C16orf74: variants seen among roughly 807,000 people sequenced by gnomAD.
C16orf74 encodes the protein uncharacterized protein C16orf74.
C16orf74 carries 10 observed loss-of-function variants against 6.5 expected under a neutral mutation model. That is an observed-to-expected ratio of 1.54 (90% confidence interval 0.95 to 2.61). The LOEUF is 2.61. Ranked by LOEUF, C16orf74 falls within the 30% of genes most tolerant of loss-of-function variation. The probability of loss-of-function intolerance (pLI) is 0.00; values close to 1 mark genes in which losing one functional copy is unlikely to be tolerated. For missense variants in C16orf74, 141 were observed against 105.9 expected (o/e 1.33, Z -1.45); for synonymous variants, 60 against 42.5 (o/e 1.41, Z -1.60).
rs187548293 is a variant in C16orf74 at position 85,719,974 on chromosome 16, C to G, written c.29-9667G>C. Among the ~76,000 whole-genome samples the G allele has an allele frequency of 2.0e-4, 30 of 152,226 alleles. No individual in the cohort carries two copies. The East Asian group carries it at 2.3e-3, about 12-fold the overall frequency. ...GGTGACACTAATCCCTCAGAGATGA[C>G]CGGGTGTCTGGATTTAGTGCAGGTC... On this transcript the variant is annotated intron_variant, in intron 2 of 3. Transcript: ENST00000284245.
Position 85,707,935 on chromosome 16 carries a change from G to T in C16orf74, c.*73C>A. On this transcript the variant is annotated 3_prime_UTR_variant, in exon 4 of 4. Transcript: ENST00000284245. ...AGGGTATTCAGCACACCTGCTCCAG[G>T]CAGCCACGCCCCCGGACACCTGAAG... The T allele has an allele frequency of 1.5e-6, 2 of 1,343,030 alleles. No homozygotes were observed. Among genetic ancestry groups the T allele is most frequent in the Non-Finnish European group, 2.1e-6 (2 of 964,296 alleles). The allele number at this position is 1,343,030 out of a possible 1,614,324, so 83.2% of individuals were successfully genotyped here.
intron 1 of C16orf74, 28 bp from the exon 2 acceptor site, chr16:85,735,263 G>C (rs12920631): frequency 1.5e-5 from 23 of 1,534,474 alleles, no homozygotes; most frequent in Admixed American, 2.0e-5. Context: ...CGCTGAGAGA[G>C]GGGAGGGCGC....
intron 2 of C16orf74, among the ~76,000 whole-genome samples, chr16:85,732,280 C>A (rs1396234480): frequency 6.6e-6 from 1 of 152,206 alleles, no homozygotes; most frequent in Non-Finnish European, 1.5e-5. Context: ...CTCTTTTAAG[C>A]CACCTAGTTT....
In C16orf74 at chr16:85,707,842, G is replaced by C. The variant is rs1427935941; in HGVS notation, c.*166C>G. On this transcript the variant is annotated 3_prime_UTR_variant, in exon 4 of 4. Transcript: ENST00000284245. ...GGAAACACTGTTCTGGAAGTGGACA[G>C]GCTGGATTCCTCGCTGGTCCTGCCA... 3.2e-6 allele frequency: 2 copies of C among 623,210 alleles called. No individual in the cohort carries two copies. The highest frequency in any genetic ancestry group is 3.7e-5 in the African/African-American group (2 of 54,128). 38.6% of individuals were successfully genotyped at this position (623,210 alleles called of 1,614,324 possible). A position where few individuals can be genotyped will look rare whatever the true frequency, so the allele number is the denominator to read the frequency against.
chr16:85,708,978 G>T (rs978389895), intron 3 of C16orf74, among the ~76,000 whole-genome samples: 1 of 152,270 alleles, frequency 6.6e-6, no homozygotes, highest in Non-Finnish European at 1.5e-5. Flanking sequence ...GTGAAGTGCA[G>T]ATCACACAGC....
intron 1 of C16orf74, among the ~76,000 whole-genome samples, chr16:85,740,808 G>A (rs1378915086): frequency 1.8e-5 from 2 of 113,598 alleles, no homozygotes; most frequent in Non-Finnish European, 3.3e-5. Flanking sequence ...CTCCAGCCTG[G>A]GCAAGAGAGT....
At chr16:85,709,024 C>T (rs540985291) in intron 3 of C16orf74, among the ~76,000 whole-genome samples, 3 of 152,244 alleles carry the variant, frequency 2.0e-5, no homozygotes, top group East Asian at 3.9e-4. Flanking sequence ...GTGACTAGCA[C>T]ATGGCAAGTG....
At chr16:85,738,207 T>C (rs1251176203) in intron 1 of C16orf74, among the ~76,000 whole-genome samples, 1 of 151,998 alleles carries the variant, frequency 6.6e-6, no homozygotes, top group Non-Finnish European at 1.5e-5. Flanking sequence ...ATCGTGCCAC[T>C]TCACGCCAGC....
chr16:85,735,151 T>G, intron 2 of C16orf74, 39 bp downstream of exon 2: 1 of 1,584,870 alleles, frequency 6.3e-7, no homozygotes, highest in Non-Finnish European at 8.6e-7. Context: ...GCACCCCCTC[T>G]GCCATGAGAG....
At chr16:85,717,906 C>T (rs1489252140) in intron 2 of C16orf74, among the ~76,000 whole-genome samples, 1 of 152,144 alleles carries the variant, frequency 6.6e-6, no homozygotes, top group Non-Finnish European at 1.5e-5. Context: ...AGCCCGTGCC[C>T]GAGACGCTAC....
rs1226557408 is a variant in C16orf74 at position 85,740,530 on chromosome 16, G to A, written c.-18-5295C>T. Among the ~76,000 whole-genome samples, 13 of 151,948 alleles carry A rather than the reference G, an allele frequency of 8.6e-5. No individual in the cohort carries two copies. The South Asian group carries it at 2.5e-3, about 29-fold the overall frequency. On this transcript the variant is annotated intron_variant, in intron 1 of 3. Coordinates refer to ENST00000284245, the MANE Select transcript of C16orf74 (RefSeq NM_206967.3). Reference sequence around the variant, plus strand: ...ATCCTGGCTATCACGGTGAAACCCCGTCTCTACTAAAAATATAAAAAATTA... The same window carrying A: ...ATCCTGGCTATCACGGTGAAACCCCATCTCTACTAAAAATATAAAAAATTA...
chr16:85,745,983 G>A (rs1432677730), intron 1 of C16orf74, among the ~76,000 whole-genome samples: 1 of 152,172 alleles, frequency 6.6e-6, no homozygotes, highest in Non-Finnish European at 1.5e-5. Context: ...AGATGGCCAG[G>A]TAAAATACAG....
chr16:85,737,093 G>C (rs951351624), intron 1 of C16orf74, among the ~76,000 whole-genome samples: 1 of 152,160 alleles, frequency 6.6e-6, no homozygotes, highest in African/African-American at 2.4e-5. Context: ...GTCTCATTGA[G>C]CAGCAGCGAG....
At chr16:85,742,451 C>T (rs535033772) in intron 1 of C16orf74, among the ~76,000 whole-genome samples, 234 of 152,340 alleles carry the variant, frequency 1.5e-3, no homozygotes, top group African/African-American at 5.5e-3. Flanking sequence ...CTGTGGCTCC[C>T]CTTCACCTTC....
Position 85,711,460 on chromosome 16 carries a change from CA to C in C16orf74, c.29-1154del, listed in dbSNP as rs11392884. ...AGAAACCCCGTCTCCACTGAAAATA[CA>C]AAAAAAAAAAAATTAGCTGGGCATG... On this transcript the variant is annotated intron_variant, in intron 2 of 3. Transcript: ENST00000284245. Among the ~76,000 whole-genome samples the C allele has an allele frequency of 2.1e-3, 298 of 143,858 alleles. 1 individual carries two copies. The highest frequency in any genetic ancestry group is 7.1e-3 in the African/African-American group (277 of 38,786). The allele number at this position is 143,858 out of a possible 152,430, so 94.4% of individuals were successfully genotyped here.
Position 85,714,335 on chromosome 16 carries a change from C to T in C16orf74, c.29-4028G>A, listed in dbSNP as rs530698166. Among the ~76,000 whole-genome samples the T allele has an allele frequency of 3.9e-5, 6 of 152,166 alleles. No individual in the cohort carries two copies. The South Asian group carries it at 6.2e-4, about 16-fold the overall frequency. Reference sequence around the variant, plus strand: ...CCCAGGCACTGCCCCAGTCACCTCCCCACCTTCTGAACCCCAACACTGTTT... The same window carrying T: ...CCCAGGCACTGCCCCAGTCACCTCCTCACCTTCTGAACCCCAACACTGTTT... On this transcript the variant is annotated intron_variant, in intron 2 of 3. Transcript: ENST00000284245.
Position 85,710,276 on chromosome 16 carries a change from G to A in C16orf74, c.60C>T (p.Ser20=). The A allele has an allele frequency of 6.7e-7, 1 of 1,483,654 alleles. No individual in the cohort carries two copies. Among genetic ancestry groups the A allele is most frequent in the Non-Finnish European group, 8.9e-7 (1 of 1,120,750 alleles). 91.9% of individuals were successfully genotyped at this position (1,483,654 alleles called of 1,614,324 possible). The change falls in exon 3 of 4, where the codon AGC becomes AGT. Residue 20 remains serine, a synonymous_variant. Coordinates refer to ENST00000284245, the MANE Select transcript of C16orf74 (RefSeq NM_206967.3). ...GFQMCVSSSS[S]SHDEAPVLND... is the part of the protein sequence containing the mutation. Reference sequence around the variant, plus strand: ...TCAGGACGGGGGCCTCGTCGTGGCTGCTGCTGCTGCTGCTGACACACATTT... The same window carrying A: ...TCAGGACGGGGGCCTCGTCGTGGCTACTGCTGCTGCTGCTGACACACATTT...
intron 2 of C16orf74, among the ~76,000 whole-genome samples, chr16:85,724,218 C>G (rs1454947701): frequency 6.6e-6 from 1 of 152,168 alleles, no homozygotes; most frequent in African/African-American, 2.4e-5. Context: ...TCTTGAGCAA[C>G]ACAAAGCCAG....
chr16:85,734,315 G>A (rs188075065), intron 2 of C16orf74, among the ~76,000 whole-genome samples: 2 of 152,182 alleles, frequency 1.3e-5, no homozygotes, highest in East Asian at 1.9e-4. Flanking sequence ...AGGAAACTGA[G>A]GCCCTTGATC....
Sources: allele counts gnomAD v4.1 joint callset (sites outside exome capture counted in the v4.1 genomes callset), GRCh38; gene constraint gnomAD v4.1.1; transcripts MANE v1.5; gene names NCBI Gene and HGNC (gene_info 2026-07-23, HGNC 2026-07-21).